Variants in UNC5C observed in about 807,000 individuals in gnomAD.
UNC5C encodes netrin receptor UNC5C.
In UNC5C, 47 loss-of-function variants were observed where a neutral mutation model predicts 99.8. The observed-to-expected ratio is 0.47, with a 90% confidence interval of 0.37 to 0.60. UNC5C has a LOEUF of 0.60. UNC5C is among the 20% of genes least tolerant of loss of function. The pLI is 0.00. For missense variants in UNC5C, 1,062 were observed against 1,165.9 expected, an observed-to-expected ratio of 0.91 and a Z score of 1.30; for synonymous variants, 487 against 452.2, an observed-to-expected ratio of 1.08 and a Z score of -0.98.
At chr4:95,465,194 G>C (rs1444399846) in intron 1 of UNC5C, among the ~76,000 whole-genome samples, 1 of 152,166 alleles carries the variant, frequency 6.6e-6, no homozygotes, top group East Asian at 1.9e-4. Flanking sequence ...CACAAAGACA[G>C]AGGAATGCTG....
chr4:95,541,907 A>G (rs949914114), intron 1 of UNC5C, among the ~76,000 whole-genome samples: 1 of 152,190 alleles, frequency 6.6e-6, no homozygotes, highest in African/African-American at 2.4e-5. Context: ...AAAACTGAGA[A>G]ATACTAGCAT....
At chr4:95,383,307 C>A (rs1045775980) in intron 1 of UNC5C, among the ~76,000 whole-genome samples, 2 of 151,616 alleles carry the variant, frequency 1.3e-5, no homozygotes, top group Non-Finnish European at 2.9e-5. Flanking sequence ...ATTGTTATAC[C>A]TCTTTTCCAA....
chr4:95,471,801 A>G (rs1747977222), intron 1 of UNC5C, among the ~76,000 whole-genome samples: 1 of 152,128 alleles, frequency 6.6e-6, no homozygotes, highest in Non-Finnish European at 1.5e-5. Context: ...CGCACTGTCA[A>G]AAAACTTTAC....
intron 1 of UNC5C, among the ~76,000 whole-genome samples, chr4:95,530,360 T>C (rs1478177003): frequency 2.6e-5 from 4 of 152,218 alleles, no homozygotes; most frequent in African/African-American, 9.6e-5. Flanking sequence ...AGATATATCA[T>C]GACTCCCCTC....
intron 10 of UNC5C, 104 bp from the exon 11 acceptor site, chr4:95,206,900 TTC>T (rs1193640326): frequency 1.5e-5 from 14 of 910,792 alleles, no homozygotes; most frequent in East Asian, 6.5e-5. Context: ...TCTCCTGGAA[TTC>T]TTTTTTTTTT....
At chr4:95,251,530 G>A (rs114797571) in intron 4 of UNC5C, among the ~76,000 whole-genome samples, 1,645 of 152,268 alleles carry the variant, frequency 0.011, 20 homozygotes, top group Non-Finnish European at 0.017. Flanking sequence ...ACCTGTATAA[G>A]CTGTTCTTCT....
intron 1 of UNC5C, among the ~76,000 whole-genome samples, chr4:95,507,845 T>C (rs1194039347): frequency 6.6e-6 from 1 of 152,060 alleles, no homozygotes; most frequent in Non-Finnish European, 1.5e-5. Flanking sequence ...TTCTCTGTCA[T>C]CTTGTTGTTA....
At chr4:95,227,371 T>G (rs1738739610) in intron 7 of UNC5C, among the ~76,000 whole-genome samples, 1 of 152,066 alleles carries the variant, frequency 6.6e-6, no homozygotes, top group Admixed American at 6.6e-5. Context: ...CAGGCTGGTT[T>G]TGAACTCCTG....
At chr4:95,235,171 G>C (rs1244172025) in intron 7 of UNC5C, among the ~76,000 whole-genome samples, 1 of 152,150 alleles carries the variant, frequency 6.6e-6, no homozygotes, top group African/African-American at 2.4e-5. Flanking sequence ...TGTGACCAAA[G>C]TCAGTGACAT....
chr4:95,172,950 C>T (rs1736184125), intron 14 of UNC5C, among the ~76,000 whole-genome samples: 1 of 151,962 alleles, frequency 6.6e-6, no homozygotes, highest in Non-Finnish European at 1.5e-5. Context: ...TGAAGAGGTC[C>T]TTCATGTCCC....
chr4:95,341,003 T>C (rs1743550898), intron 1 of UNC5C, among the ~76,000 whole-genome samples: 1 of 152,102 alleles, frequency 6.6e-6, no homozygotes, highest in African/African-American at 2.4e-5. Context: ...AAATACTCAA[T>C]GACTGATGAG....
rs1260038382 is a variant in UNC5C, at chr4:95,187,914, G to A, written c.2137-2718C>T. Among the ~76,000 whole-genome samples, 22 of 152,100 alleles carry A rather than the reference G, an allele frequency of 1.4e-4. 1 individual carries two copies. The highest frequency in any genetic ancestry group is 1.4e-3 in the Admixed American group (22 of 15,270). The stretch of plus-strand genomic sequence containing the variant: ...TGGGGAAAGACAAACTGCCCATCAG[G>A]ACACACCCATGCTTAGAGCAGAGGC... On this transcript the variant is annotated intron_variant, in intron 12 of 15. Transcript: ENST00000453304.
intron 1 of UNC5C, among the ~76,000 whole-genome samples, chr4:95,356,794 G>A (rs1001067184): frequency 6.6e-6 from 1 of 152,148 alleles, no homozygotes; most frequent in African/African-American, 2.4e-5. Flanking sequence ...AAAACTGTAG[G>A]GTGGGAAAAC....
intron 4 of UNC5C, among the ~76,000 whole-genome samples, chr4:95,262,189 G>A (rs1740263759): frequency 6.6e-6 from 1 of 152,154 alleles, no homozygotes; most frequent in Non-Finnish European, 1.5e-5. Flanking sequence ...GTAATAACTG[G>A]GCGACAAATC....
intron 1 of UNC5C, among the ~76,000 whole-genome samples, chr4:95,543,920 A>T (rs1359145508): frequency 6.6e-6 from 1 of 152,180 alleles, no homozygotes; most frequent in Non-Finnish European, 1.5e-5. Context: ...GGAGTTTACA[A>T]TGATCTACTC....
intron 3 of UNC5C, 85 bp from the exon 4 acceptor site, chr4:95,278,447 G>T: frequency 3.0e-6 from 3 of 1,004,960 alleles, no homozygotes; most frequent in Non-Finnish European, 4.5e-6. Flanking sequence ...TTCTGGCTTA[G>T]TATTTTATCT....
chr4:95,513,349 T>C (rs1275926058), intron 1 of UNC5C, among the ~76,000 whole-genome samples: 2 of 152,220 alleles, frequency 1.3e-5, no homozygotes, highest in African/African-American at 4.8e-5. Context: ...AGTGGTGCCT[T>C]CATTCCTAAT....
chr4:95,496,351 TA>T (rs1721630986), intron 1 of UNC5C, among the ~76,000 whole-genome samples: 1 of 151,866 alleles, frequency 6.6e-6, no homozygotes, highest in African/African-American at 2.4e-5. Flanking sequence ...GATGGAAAAT[TA>T]AAAGTACTGA....
chr4:95,459,182 C>T (rs17382285), intron 1 of UNC5C, among the ~76,000 whole-genome samples: 6,475 of 152,192 alleles, frequency 0.043, 244 homozygotes, highest in Non-Finnish European at 0.063. Context: ...TACAGTGGTT[C>T]CAAATATAAG....
Sources: allele counts gnomAD v4.1 joint callset (sites outside exome capture counted in the v4.1 genomes callset), GRCh38; gene constraint gnomAD v4.1.1; transcripts MANE v1.5; gene names NCBI Gene and HGNC (gene_info 2026-07-23, HGNC 2026-07-21).